Variants in SP100 observed in about 807,000 individuals in gnomAD.
SP100 encodes the protein nuclear autoantigen Sp-100.
SP100 carries 84 observed loss-of-function variants against 130.0 expected under a neutral mutation model. The observed-to-expected ratio is 0.65, with a 90% CI of 0.54 to 0.77. The LOEUF (loss-of-function observed/expected upper bound fraction) is 0.77, where lower values mean the gene tolerates loss of function less well. Ranked by LOEUF, SP100 falls within the 30% of genes least tolerant of loss-of-function variation. SP100 has a pLI of 0.00. For synonymous variants in SP100, 331 were observed against 351.7 expected (o/e 0.94, Z 0.66); for missense variants, 978 against 1,052.2 (o/e 0.93, Z 0.97).
chr2:230,515,885 T>C, intron 24 of SP100: 2 of 1,234,744 alleles, frequency 1.6e-6, no homozygotes, highest in East Asian at 7.2e-5. Flanking sequence ...CATGGAAATT[T>C]AAAGCAGGTT....
chr2:230,451,238 C>A (rs1161111077), intron 8 of SP100, among the ~76,000 whole-genome samples: 1 of 152,140 alleles, frequency 6.6e-6, no homozygotes, highest in Non-Finnish European at 1.5e-5. Context: ...GTGATTGTAG[C>A]AATTTACATT....
chr2:230,459,788 C>A lies in SP100; in HGVS notation c.821-1474C>A, dbSNP rs547974531. On this transcript the variant is annotated intron_variant, in intron 8 of 28. Transcript: ENST00000340126. The stretch of plus-strand genomic sequence containing the variant: ...GAGGAACAGTCTCCTGTCTGGCCCC[C>A]AGTCTTGCTCCTCTCAAGTCTGCAC... 2.0e-5 allele frequency among the ~76,000 whole-genome samples: 3 copies of A among 152,330 alleles called. No homozygotes were observed. In the South Asian group the frequency reaches 6.2e-4, roughly 32 times the overall value.
Position 230,508,124 on chromosome 2 carries a change from T to C in SP100, c.2052+93T>C, listed in dbSNP as rs375208424. 161 of 1,544,180 alleles carry C rather than the reference T, an allele frequency of 1.0e-4. No homozygotes were observed. The East Asian group carries it at 2.1e-3, about 20-fold the overall frequency. Reference sequence around the variant, plus strand: ...TTACAGTCTTTAAATTGACCCATCATCATAAAATTTGATTTTATAATATGA... The same window carrying C: ...TTACAGTCTTTAAATTGACCCATCACCATAAAATTTGATTTTATAATATGA... On this transcript the variant is annotated intron_variant, in intron 23 of 28. Coordinates refer to ENST00000340126, the MANE Select transcript of SP100 (RefSeq NM_001080391.2).
chr2:230,518,300 G>T (rs532975960), intron 24 of SP100, among the ~76,000 whole-genome samples: 1 of 151,810 alleles, frequency 6.6e-6, no homozygotes, highest in East Asian at 1.9e-4. Context: ...ATATTTTTAT[G>T]CCTTCTTATA....
intron 11 of SP100, among the ~76,000 whole-genome samples, chr2:230,465,957 G>A (rs1465243368): frequency 6.6e-6 from 1 of 152,014 alleles, no homozygotes; most frequent in Non-Finnish European, 1.5e-5. Context: ...GGCTGAGGCA[G>A]GTGGATCACC....
At chr2:230,505,294 C>G (rs985209657) in intron 21 of SP100, among the ~76,000 whole-genome samples, 1 of 152,184 alleles carries the variant, frequency 6.6e-6, no homozygotes, top group Non-Finnish European at 1.5e-5. Context: ...AACTAGCACC[C>G]ACTACAAGGG....
At chr2:230,491,492 G>C (rs559602264) in intron 17 of SP100, among the ~76,000 whole-genome samples, 1 of 152,330 alleles carries the variant, frequency 6.6e-6, no homozygotes, top group African/African-American at 2.4e-5. Context: ...CACATCTTGG[G>C]ACCAAGCCAT....
intron 2 of SP100, among the ~76,000 whole-genome samples, chr2:230,418,030 A>G (rs2062661570): frequency 6.6e-6 from 1 of 152,180 alleles, no homozygotes; most frequent in South Asian, 2.1e-4. Context: ...CTTAGTTTTT[A>G]CAATTATTTC....
At chr2:230,418,383 T>C (rs896925994) in intron 2 of SP100, among the ~76,000 whole-genome samples, 1 of 152,186 alleles carries the variant, frequency 6.6e-6, no homozygotes, top group Non-Finnish European at 1.5e-5. Flanking sequence ...CATTCAGTCT[T>C]CACAGTCTTG....
chr2:230,482,977 G>A (rs1208568324), intron 17 of SP100, among the ~76,000 whole-genome samples: 3 of 152,092 alleles, frequency 2.0e-5, no homozygotes, highest in Non-Finnish European at 2.9e-5. Context: ...GAGAACTGAC[G>A]TCTCTAAAAT....
At chr2:230,483,015 A>C (rs992711259) in intron 17 of SP100, among the ~76,000 whole-genome samples, 5 of 152,214 alleles carry the variant, frequency 3.3e-5, no homozygotes, top group African/African-American at 1.2e-4. Flanking sequence ...ACGAACATAG[A>C]GATATCTCAC....
chr2:230,541,486 C>T, intron 27 of SP100, 114 bp downstream of exon 27: 1 of 833,332 alleles, frequency 1.2e-6, no homozygotes, highest in South Asian at 1.6e-5. Flanking sequence ...TTAGTTCAGG[C>T]TACTATAGAA....
At chr2:230,490,028 T>C (rs1034188667) in intron 17 of SP100, among the ~76,000 whole-genome samples, 1 of 152,196 alleles carries the variant, frequency 6.6e-6, no homozygotes, top group African/African-American at 2.4e-5. Flanking sequence ...GTCTATTAGG[T>C]CCACTTGATC....
chr2:230,522,289 A>T (rs930314199), intron 24 of SP100, among the ~76,000 whole-genome samples: 3 of 150,684 alleles, frequency 2.0e-5, no homozygotes, highest in African/African-American at 7.5e-5. Flanking sequence ...GGAAATTAGA[A>T]TTTGATAAAC....
At chr2:230,527,300 C>G (rs1012203046) in intron 24 of SP100, among the ~76,000 whole-genome samples, 2 of 152,120 alleles carry the variant, frequency 1.3e-5, no homozygotes, top group Non-Finnish European at 2.9e-5. Context: ...AATTTTCTAC[C>G]CAGAACCTCA....
intron 9 of SP100, among the ~76,000 whole-genome samples, chr2:230,461,726 A>T (rs1337774964): frequency 6.6e-6 from 1 of 152,080 alleles, no homozygotes; most frequent in Non-Finnish European, 1.5e-5. Flanking sequence ...AGGCAGGGGG[A>T]TCGCTTGAGT....
At chr2:230,515,160 A>G (rs763185083) in intron 24 of SP100, 5 of 1,613,520 alleles carry the variant, frequency 3.1e-6, no homozygotes, top group Non-Finnish European at 4.2e-6. Flanking sequence ...AGAAGTGCTC[A>G]GAGACATGGA....
Position 230,545,347 on chromosome 2 carries a change from AG to A in SP100, c.*2403del, listed in dbSNP as rs142760256. Among the ~76,000 whole-genome samples the A allele has an allele frequency of 3.9e-4, 60 of 152,320 alleles. No homozygotes were observed. The East Asian group carries it at 0.011, about 28-fold the overall frequency. Reference sequence around the variant, plus strand: ...TCAGGAACAGAAAACCAAATACCACAGGTTCTCAGTTGTGAGTGGGAGCTAA... The same window carrying A: ...TCAGGAACAGAAAACCAAATACCACAGTTCTCAGTTGTGAGTGGGAGCTAA... On this transcript the variant is annotated 3_prime_UTR_variant, in exon 29 of 29. Transcript: ENST00000340126.
intron 17 of SP100, among the ~76,000 whole-genome samples, chr2:230,486,054 G>A (rs1315409939): frequency 2.0e-5 from 2 of 101,096 alleles, no homozygotes; most frequent in Non-Finnish European, 4.0e-5. Flanking sequence ...ATCTACCTGA[G>A]ACTGGGTAAT....
Sources: allele counts gnomAD v4.1 joint callset (sites outside exome capture counted in the v4.1 genomes callset), GRCh38; gene constraint gnomAD v4.1.1; transcripts MANE v1.5; gene names NCBI Gene and HGNC (gene_info 2026-07-23, HGNC 2026-07-21).